Variants in PDZD2 observed in about 807,000 individuals in gnomAD.
The protein encoded by PDZD2 is PDZ domain containing 2.
Under a neutral mutation model 220.7 loss-of-function variants are expected in PDZD2, and 90 were observed. That is an observed-to-expected ratio of 0.41 (90% confidence interval 0.34 to 0.49). The LOEUF (loss-of-function observed/expected upper bound fraction) is 0.49. PDZD2 is among the 20% of genes least tolerant of loss of function. The pLI is 0.28. For missense variants in PDZD2, 3,174 were observed against 3,608.5 expected, an observed-to-expected ratio of 0.88 and a Z score of 3.08; for synonymous variants, 1,375 against 1,450.5, an observed-to-expected ratio of 0.95 and a Z score of 1.18.
rs555945802 is a variant in PDZD2 at position 32,056,180 on chromosome 5, A to G, written c.1901-1475A>G. 4.6e-5 allele frequency among the ~76,000 whole-genome samples: 7 copies of G among 152,304 alleles called. No individual in the cohort carries two copies. In the East Asian group the frequency reaches 1.3e-3, roughly 29 times the overall value. ...CCTAAAAACATCCACCTCCTCACCT[A>G]ATTGAGTAATTGGTTATGCCAGATT... On this transcript the variant is annotated intron_variant, in intron 10 of 24. Transcript: ENST00000438447.
chr5:31,870,348 T>G (rs1738673598), intron 2 of PDZD2, among the ~76,000 whole-genome samples: 1 of 152,226 alleles, frequency 6.6e-6, no homozygotes, highest in East Asian at 1.9e-4. Context: ...ATAAATTTTC[T>G]CACACTGTGG....
intron 24 of PDZD2, chr5:32,104,001 C>T (rs1162618395): frequency 2.6e-5 from 4 of 152,238 alleles, no homozygotes; most frequent in East Asian, 1.9e-4. Flanking sequence ...CACAGACTAG[C>T]GCTTTAGATG....
intron 1 of PDZD2, among the ~76,000 whole-genome samples, chr5:31,652,960 C>T (rs989102457): frequency 8.6e-5 from 13 of 151,848 alleles, no homozygotes; most frequent in African/African-American, 2.9e-4. Flanking sequence ...TTCAGTGAGC[C>T]GAGATCGTGC....
intron 19 of PDZD2, among the ~76,000 whole-genome samples, chr5:32,079,228 C>T (rs556839160): frequency 9.8e-4 from 136 of 139,228 alleles, no homozygotes; most frequent in African/African-American, 3.5e-3. Context: ...CATTGCACTC[C>T]AGCCTGGGGG....
At chr5:31,641,027 T>C (rs1392097133) in intron 1 of PDZD2, among the ~76,000 whole-genome samples, 2 of 152,240 alleles carry the variant, frequency 1.3e-5, no homozygotes, top group Non-Finnish European at 1.5e-5. Flanking sequence ...GCATGTACTT[T>C]ATGGCAGTTT....
At chr5:31,822,859 C>T (rs1448131505) in intron 2 of PDZD2, 2 of 782,546 alleles carry the variant, frequency 2.6e-6, no homozygotes, top group African/African-American at 1.7e-5. Flanking sequence ...ATACACAGAC[C>T]TCATCTTGTA....
intron 24 of PDZD2, among the ~76,000 whole-genome samples, chr5:32,101,980 A>T (rs2111696289): frequency 6.6e-6 from 1 of 152,330 alleles, no homozygotes; most frequent in African/African-American, 2.4e-5. Context: ...TCAGCAAATA[A>T]CAAGGTCAAT....
At chr5:31,874,399 AT>A (rs1739112668) in intron 2 of PDZD2, among the ~76,000 whole-genome samples, 1 of 152,198 alleles carries the variant, frequency 6.6e-6, no homozygotes, top group Admixed American at 6.5e-5. Context: ...TATAAATAAA[AT>A]ACTGAAAGTT....
At chr5:32,010,249 T>C (rs1378145206) in intron 5 of PDZD2, 81 bp from the exon 6 acceptor site, 2 of 963,314 alleles carry the variant, frequency 2.1e-6, no homozygotes, top group Non-Finnish European at 3.2e-6. Context: ...AGCATGTAGC[T>C]TGACTGTGCC....
chr5:31,938,733 A>C (rs963592345), intron 2 of PDZD2, among the ~76,000 whole-genome samples: 1 of 152,218 alleles, frequency 6.6e-6, no homozygotes, highest in Non-Finnish European at 1.5e-5. Flanking sequence ...TATTTAGAAC[A>C]ATGTTTCTTT....
At chr5:31,738,605 G>A (rs893750170) in intron 1 of PDZD2, 1 of 152,150 alleles carries the variant, frequency 6.6e-6, no homozygotes, top group Admixed American at 6.5e-5. Context: ...AGATTCATCC[G>A]TTTCATGGGA....
At chr5:31,874,503 G>A (rs796692493) in intron 2 of PDZD2, among the ~76,000 whole-genome samples, 2 of 152,310 alleles carry the variant, frequency 1.3e-5, no homozygotes, top group African/African-American at 4.8e-5. Flanking sequence ...GCTCACACCT[G>A]TAATCCCAGC....
chr5:31,745,262 G>T (rs1034797437), intron 1 of PDZD2, among the ~76,000 whole-genome samples: 2 of 151,906 alleles, frequency 1.3e-5, no homozygotes, highest in Admixed American at 1.3e-4. Context: ...GACCCAAAGG[G>T]GTATAAAGAC....
intron 1 of PDZD2, among the ~76,000 whole-genome samples, chr5:31,691,745 A>C (rs1010009531): frequency 2.0e-5 from 3 of 152,136 alleles, no homozygotes; most frequent in Admixed American, 6.5e-5. Context: ...TGTTGACACA[A>C]AGGTTCTCCA....
Position 32,057,683 on chromosome 5 carries a change from A to G in PDZD2, c.1929A>G (p.Ile643Met). ...EGDEILDVNG[I>M]PIKGLTFQEA... ...ATGAAATCCTAGATGTAAATGGAAT[A>G]CCAATAAAGGGCTTGACATTTCAAG... is the stretch of plus-strand genomic sequence containing the variant. Residue 643 changes from isoleucine (I) to methionine (M), a missense_variant, in exon 11 of 25, where the codon ATA becomes ATG. Transcript: ENST00000438447. 1 of 1,591,636 alleles carries G rather than the reference A, an allele frequency of 6.3e-7. No homozygotes were observed. The highest frequency in any genetic ancestry group is 1.3e-5 in the African/African-American group (1 of 74,436).
chr5:32,056,251 A>G (rs1739070125), intron 10 of PDZD2, among the ~76,000 whole-genome samples: 1 of 152,208 alleles, frequency 6.6e-6, no homozygotes, highest in African/African-American at 2.4e-5. Flanking sequence ...CTATAATTGC[A>G]TTAAGGGGAA....
chr5:32,043,588 C>T (rs554972587), intron 7 of PDZD2, among the ~76,000 whole-genome samples: 3 of 152,376 alleles, frequency 2.0e-5, no homozygotes, highest in African/African-American at 7.2e-5. Flanking sequence ...AAAGCCCTCG[C>T]CATGAGGCGG....
intron 19 of PDZD2, among the ~76,000 whole-genome samples, chr5:32,079,835 AC>A (rs767593591): frequency 6.6e-6 from 1 of 151,508 alleles, no homozygotes; most frequent in Non-Finnish European, 1.5e-5. Context: ...AAAAAGTGAA[AC>A]CCCAGAATAT....
chr5:31,866,452 A>G (rs1738241072), intron 2 of PDZD2, among the ~76,000 whole-genome samples: 1 of 152,128 alleles, frequency 6.6e-6, no homozygotes, highest in Non-Finnish European at 1.5e-5. Context: ...GAGGGCAGAG[A>G]GAGGGTGGGT....
Sources: gnomAD v4.1 joint callset for allele counts (sites outside exome capture counted in the v4.1 genomes callset) on GRCh38, gnomAD v4.1.1 for gene constraint, MANE v1.5 for transcripts, NCBI Gene and HGNC (gene_info 2026-07-23, HGNC 2026-07-21) for gene names.